The following USP45 variants were observed in gnomAD, a reference collection of about 807,000 sequenced individuals.
USP45 encodes the protein ubiquitin carboxyl-terminal hydrolase 45.
In USP45, 89 loss-of-function variants were observed where a neutral mutation model predicts 95.8. The ratio of observed to expected loss-of-function variants is 0.93; its 90% CI spans 0.78 to 1.11. The LOEUF (loss-of-function observed/expected upper bound fraction) is 1.11, where lower values mean the gene tolerates loss of function less well. USP45 is among the 50% of genes least tolerant of loss of function. The pLI is 0.00. For synonymous variants in USP45, 281 were observed against 316.2 expected (o/e 0.89, Z 1.18); for missense variants, 898 against 942.5 (o/e 0.95, Z 0.62).
intron 5 of USP45, among the ~76,000 whole-genome samples, chr6:99,496,283 A>G (rs1313385704): frequency 2.6e-5 from 4 of 152,108 alleles, no homozygotes; most frequent in African/African-American, 9.7e-5. Context: ...ACATGTGCCC[A>G]GCATGTATCA....
upstream of USP45, among the ~76,000 whole-genome samples, chr6:99,515,977 C>A (rs1292979265): frequency 6.6e-6 from 1 of 151,910 alleles, no homozygotes; most frequent in Non-Finnish European, 1.5e-5. Flanking sequence ...CGGGGTTTCA[C>A]CGTGTTAGCC....
At chr6:99,460,894 T>C in intron 13 of USP45, 1 of 974,184 alleles carries the variant, frequency 1.0e-6, no homozygotes, top group Non-Finnish European at 1.2e-6. Flanking sequence ...CAAAAGTGCA[T>C]GAAAAGTAGA....
intron 5 of USP45, among the ~76,000 whole-genome samples, chr6:99,492,697 G>A (rs1795453503): frequency 6.6e-6 from 1 of 151,918 alleles, no homozygotes; most frequent in Admixed American, 6.6e-5. Flanking sequence ...TCATCAAGTT[G>A]GCCAGGCTGG....
At chr6:99,503,053 G>A (rs1044937710) in intron 5 of USP45, among the ~76,000 whole-genome samples, 3 of 152,202 alleles carry the variant, frequency 2.0e-5, no homozygotes, top group African/African-American at 7.2e-5. Context: ...CAGGTACTAT[G>A]CAAGTATTTT....
rs1364208812 is a variant in USP45, at chr6:99,432,403, A to G, written c.*3313T>C. 6 of 151,648 alleles carry G rather than the reference A, an allele frequency of 4.0e-5. No homozygotes were observed. The highest frequency in any genetic ancestry group is 2.0e-4 in the Admixed American group (3 of 15,292). 9.4% of individuals were successfully genotyped at this position (151,648 alleles called of 1,614,324 possible). A position where few individuals can be genotyped will look rare whatever the true frequency, so the allele number is the denominator to read the frequency against. On this transcript the variant is annotated 3_prime_UTR_variant, in exon 18 of 18. Coordinates refer to ENST00000500704, the MANE Select transcript of USP45 (RefSeq NM_001346022.3). ...GCATTGTTGATAAAACATTCTGTCA[A>G]TAACGTAAACTGTGAAAATTCCAGG...
chr6:99,441,274 G>A (rs1234966807), intron 15 of USP45, among the ~76,000 whole-genome samples: 2 of 152,156 alleles, frequency 1.3e-5, no homozygotes, highest in Non-Finnish European at 2.9e-5. Flanking sequence ...GCTCATGCCT[G>A]TAATCCAAGC....
At chr6:99,515,770 CTT>C (rs56926251), upstream of USP45, among the ~76,000 whole-genome samples, 1 of 88,468 alleles carries the variant, frequency 1.1e-5, no homozygotes. Flanking sequence ...CCTCTGAACT[CTT>C]TTTTTTTTTT....
At chr6:99,497,681 C>T (rs1349161813) in intron 5 of USP45, among the ~76,000 whole-genome samples, 2 of 152,158 alleles carry the variant, frequency 1.3e-5, no homozygotes, top group African/African-American at 4.8e-5. Flanking sequence ...TCTACAAAAT[C>T]ACTGATCAGC....
intron 16 of USP45, among the ~76,000 whole-genome samples, chr6:99,439,224 A>G (rs1781061188): frequency 1.3e-5 from 2 of 152,202 alleles, no homozygotes; most frequent in African/African-American, 4.8e-5. Context: ...AGACCAAGTC[A>G]TCTACTTCAT....
intron 9 of USP45, among the ~76,000 whole-genome samples, chr6:99,469,737 C>G (rs552705326): frequency 6.6e-6 from 1 of 151,724 alleles, no homozygotes; most frequent in South Asian, 2.1e-4. Flanking sequence ...CCTGCCTCAG[C>G]CTCCCAAAGT....
chr6:99,455,325 G>A (rs1784806442), intron 13 of USP45, among the ~76,000 whole-genome samples: 1 of 151,572 alleles, frequency 6.6e-6, no homozygotes, highest in African/African-American at 2.4e-5. Flanking sequence ...CATGCCTGTA[G>A]TCCCAGCTAC....
intron 10 of USP45, among the ~76,000 whole-genome samples, chr6:99,467,829 C>T (rs1788384729): frequency 6.6e-6 from 1 of 151,914 alleles, no homozygotes; most frequent in African/African-American, 2.4e-5. Flanking sequence ...AAATTATAGA[C>T]CTGTAGTACA....
intron 9 of USP45, among the ~76,000 whole-genome samples, chr6:99,471,163 C>T (rs6937597): frequency 6.6e-6 from 1 of 152,094 alleles, no homozygotes; most frequent in Non-Finnish European, 1.5e-5. Flanking sequence ...ATATTCTCTA[C>T]TCCAAACTGT....
At chr6:99,456,135 A>G (rs76858097) in intron 13 of USP45, among the ~76,000 whole-genome samples, 10 of 4,274 alleles carry the variant, frequency 2.3e-3, no homozygotes, top group South Asian at 6.5e-3. Context: ...TCTGTCTCGG[A>G]AAAAAAAAAA....
Position 99,488,296 on chromosome 6 carries a change from C to T in USP45, c.619-1G>A. The T allele has an allele frequency of 6.3e-7, 1 of 1,592,012 alleles. No individual in the cohort carries two copies. The highest frequency in any genetic ancestry group is 8.5e-7 in the Non-Finnish European group (1 of 1,170,100). On this transcript the variant is annotated splice_acceptor_variant, in intron 6 of 17. Transcript: ENST00000500704. LOFTEE classifies it high-confidence loss of function. ...TAAGAGTATAAGTCTGTGCCAAGTT[C>T]TAAAAGAAAACAAAATTAAAGTCTT...
chr6:99,505,885 G>A (rs1238835986), intron 4 of USP45, among the ~76,000 whole-genome samples: 1 of 152,154 alleles, frequency 6.6e-6, no homozygotes, highest in Non-Finnish European at 1.5e-5. Flanking sequence ...CTGAGATTCT[G>A]ATGCACCTAG....
intron 3 of USP45, 127 bp downstream of exon 3, chr6:99,508,483 G>T: frequency 2.0e-6 from 2 of 984,100 alleles, no homozygotes; most frequent in Non-Finnish European, 2.9e-6. Context: ...GTTCATTCCT[G>T]GAAAATTTCT....
At chr6:99,491,525 T>C (rs1332408294) in intron 5 of USP45, among the ~76,000 whole-genome samples, 1 of 152,212 alleles carries the variant, frequency 6.6e-6, no homozygotes, top group East Asian at 1.9e-4. Context: ...CTCAATTTTT[T>C]CAGGCTGTTA....
chr6:99,437,395 G>C lies in USP45; in HGVS notation c.2165C>G (p.Ala722Gly). 1 of 1,583,018 alleles carries C rather than the reference G, an allele frequency of 6.3e-7. No homozygotes were observed. Among genetic ancestry groups the C allele is most frequent in the Non-Finnish European group, 8.5e-7 (1 of 1,171,512 alleles). Residue 722 changes from alanine (A) to glycine (G), a missense_variant, in exon 17 of 18, where the codon GCA becomes GGA. Ala to Gly is a moderately conservative substitution (Grantham distance 60). Coordinates refer to ENST00000500704, the MANE Select transcript of USP45 (RefSeq NM_001346022.3). Reference protein sequence around the residue: ...APFCSATCKNASVGDKVLYGL... With the variant: ...APFCSATCKNGSVGDKVLYGL... ...GTAGAGAACTTTATCTCCCACACTTGCATTCTTTTAAACAAAGAAAAAAAC... is the reference window on the plus strand; with the variant it reads ...GTAGAGAACTTTATCTCCCACACTTCCATTCTTTTAAACAAAGAAAAAAAC...
Sources: allele counts gnomAD v4.1 joint callset (sites outside exome capture counted in the v4.1 genomes callset), GRCh38; gene constraint gnomAD v4.1.1; transcripts MANE v1.5; gene names NCBI Gene and HGNC (gene_info 2026-07-23, HGNC 2026-07-21).